Variants in LRTM2 observed in about 807,000 individuals in gnomAD.
LRTM2 encodes leucine rich repeat transmembrane protein 2.
Under a neutral mutation model 28.1 loss-of-function variants are expected in LRTM2, and 18 were observed. The ratio of observed to expected loss-of-function variants is 0.64; its 90% CI spans 0.44 to 0.95. The LOEUF is 0.95. Among genes scored for constraint, LRTM2 ranks in the 40% least tolerant of loss-of-function variants. The probability of loss-of-function intolerance (pLI) is 0.00; values close to 1 mark genes in which losing one functional copy is unlikely to be tolerated. For missense variants in LRTM2, 436 were observed against 497.2 expected (o/e 0.88, Z 1.17); for synonymous variants, 250 against 218.7 (o/e 1.14, Z -1.26).
At chr12:1,821,038 AAG>A (rs1163592950) in intron 1 of LRTM2, among the ~76,000 whole-genome samples, 1 of 152,228 alleles carries the variant, frequency 6.6e-6, no homozygotes, top group Non-Finnish European at 1.5e-5. Flanking sequence ...TGCTGGGGAC[AAG>A]AGCTGTGGAT....
chr12:1,834,767 C>G lies in LRTM2; in HGVS notation c.*46C>G, dbSNP rs145529491. The G allele has an allele frequency of 1.3e-6, 2 of 1,530,336 alleles. No homozygotes were observed. Among genetic ancestry groups the G allele is most frequent in the Admixed American group, 1.9e-5 (1 of 52,764 alleles). 94.8% of individuals were successfully genotyped at this position (1,530,336 alleles called of 1,614,324 possible). A position where few individuals can be genotyped will look rare whatever the true frequency, so the allele number is the denominator to read the frequency against. ...AGGTAGGAAGGGCGGGGAGAGCACA[C>G]GGCATTGCTCAGCCACAGCTCCCAC... On this transcript the variant is annotated 3_prime_UTR_variant, in exon 5 of 5. Transcript: ENST00000299194. The surrounding 1 kb of genome is among the most constrained non-coding windows in gnomAD (Gnocchi z 7.6).
rs1864449175 is a variant in LRTM2 at position 1,828,293 on chromosome 12, G to C, written c.67+78G>C. 7.9e-7 allele frequency: 1 copy of C among 1,267,556 alleles called. No individual in the cohort carries two copies. The highest frequency in any genetic ancestry group is 1.1e-6 in the Non-Finnish European group (1 of 927,242). The allele number at this position is 1,267,556 out of a possible 1,614,324, so 78.5% of individuals were successfully genotyped here. On this transcript the variant is annotated intron_variant, in intron 3 of 4. Coordinates refer to ENST00000299194, the MANE Select transcript of LRTM2 (RefSeq NM_001039029.3). This position sits in a 1 kb window ranked among gnomAD's most constrained non-coding sequence, Gnocchi z 4.2. The stretch of plus-strand genomic sequence containing the variant: ...GGTGACTGTAGGTAGCGCCATATGG[G>C]ACCTTAGCCACACTCAGGCTGCAGG...
intron 1 of LRTM2, among the ~76,000 whole-genome samples, chr12:1,822,736 G>A (rs1375972288): frequency 1.3e-5 from 2 of 152,236 alleles, no homozygotes; most frequent in African/African-American, 4.8e-5. Context: ...GTTCCTTGCT[G>A]CCTGGGCAGT....
chr12:1,833,502 G>A lies in LRTM2; in HGVS notation c.659-765G>A, dbSNP rs1210709336. Among the ~76,000 whole-genome samples the A allele has an allele frequency of 6.6e-6, 1 of 152,084 alleles. No homozygotes were observed. The highest frequency in any genetic ancestry group is 1.5e-5 in the Non-Finnish European group (1 of 68,012). On this transcript the variant is annotated intron_variant, in intron 4 of 4. Transcript: ENST00000299194. The surrounding 1 kb of genome is among the most constrained non-coding windows in gnomAD (Gnocchi z 4.2). ...CATCCTGGCGAGCCCGTGCGCCCAG[G>A]TACCCACACCTCCTCATCAACACCA... is the stretch of plus-strand genomic sequence containing the variant.
At position 1,829,443 on chromosome 12, in the gene LRTM2, G is replaced by A. The variant is rs1302038292; in HGVS notation, c.67+1228G>A. On this transcript the variant is annotated intron_variant, in intron 3 of 4. Coordinates refer to ENST00000299194, the MANE Select transcript of LRTM2 (RefSeq NM_001039029.3). This position sits in a 1 kb window ranked among gnomAD's most constrained non-coding sequence, Gnocchi z 4.2. ...GGTAACCCAAGATGGCCAGAAAAAG[G>A]GTCTCCGGTGGCTTCCATGGCTGTA... Among the ~76,000 whole-genome samples the A allele has an allele frequency of 1.3e-5, 2 of 152,102 alleles. No individual in the cohort carries two copies. Among genetic ancestry groups the A allele is most frequent in the East Asian group, 1.9e-4 (1 of 5,160 alleles).
In LRTM2 at chr12:1,828,747, T is replaced by C. The variant is rs541423927; in HGVS notation, c.67+532T>C. ...CTAGTGGGCTCGTGGGATGCGGCGC[T>C]GGAAGAGACTTTGGGGAGTGGGTCC... On this transcript the variant is annotated intron_variant, in intron 3 of 4. Transcript: ENST00000299194. The surrounding 1 kb of genome is among the most constrained non-coding windows in gnomAD (Gnocchi z 4.2). Among the ~76,000 whole-genome samples, 1 of 152,284 alleles carries C rather than the reference T, an allele frequency of 6.6e-6. No individual in the cohort carries two copies. The highest frequency in any genetic ancestry group is 1.9e-4 in the East Asian group (1 of 5,180).
Position 1,832,469 on chromosome 12 carries a change from A to G in LRTM2, c.658+944A>G, listed in dbSNP as rs1248815439. Among the ~76,000 whole-genome samples, 13 of 152,356 alleles carry G rather than the reference A, an allele frequency of 8.5e-5. No homozygotes were observed. In the East Asian group the frequency reaches 2.3e-3, roughly 27 times the overall value. On this transcript the variant is annotated intron_variant, in intron 4 of 4. Transcript: ENST00000299194. ...AAATACTAAGTGGACTTGAAACACC[A>G]TTTGGCACGAAGAAGATGCTCAATG...
intron 1 of LRTM2, chr12:1,823,201 T>A (rs540382499): frequency 2.0e-5 from 3 of 152,666 alleles, no homozygotes; most frequent in East Asian, 3.9e-4. Flanking sequence ...TATCTGGCTG[T>A]GTGTCTTGGA....
At chr12:1,823,341 A>AT (rs1317452119) in intron 1 of LRTM2, 1 of 152,104 alleles carries the variant, frequency 6.6e-6, no homozygotes, top group Non-Finnish European at 1.5e-5. Context: ...ATCTGAGGAG[A>AT]AATGGAAGGG....
chr12:1,825,695 G>A (rs1390277247), intron 1 of LRTM2, among the ~76,000 whole-genome samples: 1 of 152,232 alleles, frequency 6.6e-6, no homozygotes, highest in Non-Finnish European at 1.5e-5. Flanking sequence ...GCTGTGTACA[G>A]AGCTCCAAGC....
At chr12:1,830,305 G>A (rs1211156647) in intron 3 of LRTM2, among the ~76,000 whole-genome samples, 5 of 152,210 alleles carry the variant, frequency 3.3e-5, no homozygotes, top group Admixed American at 6.5e-5. Context: ...AACTGCTGGC[G>A]TCATCATGGG....
chr12:1,832,705 G>A (rs1001641302), intron 4 of LRTM2, among the ~76,000 whole-genome samples: 4 of 152,182 alleles, frequency 2.6e-5, no homozygotes, highest in East Asian at 1.9e-4. Context: ...TTTCATGAGC[G>A]GGGAAATAAT....
chr12:1,826,811 C>A (rs1864350790), intron 1 of LRTM2, among the ~76,000 whole-genome samples: 1 of 152,202 alleles, frequency 6.6e-6, no homozygotes, highest in Non-Finnish European at 1.5e-5. Context: ...AAGATGGGGG[C>A]AACAGGGTTT....
In LRTM2 at chr12:1,828,039, C is replaced by T. The variant is rs567127134; in HGVS notation, c.-73-37C>T. 1.9e-4 allele frequency: 204 copies of T among 1,056,408 alleles called. No homozygotes were observed. The highest frequency in any genetic ancestry group is 9.6e-4 in the East Asian group (32 of 33,446). 65.4% of individuals were successfully genotyped at this position (1,056,408 alleles called of 1,614,324 possible). A position where few individuals can be genotyped will look rare whatever the true frequency, so the allele number is the denominator to read the frequency against. On this transcript the variant is annotated intron_variant, in intron 2 of 4. Coordinates refer to ENST00000299194, the MANE Select transcript of LRTM2 (RefSeq NM_001039029.3). The surrounding 1 kb of genome is among the most constrained non-coding windows in gnomAD (Gnocchi z 4.2). ...AACCCCTGGGCTGGAACGGGGCTCC[C>T]GCGCCTGCCTGTGCTCAGTGCTCCT... is the stretch of plus-strand genomic sequence containing the variant.
chr12:1,834,674 C>A lies in LRTM2; in HGVS notation c.1066C>A (p.Pro356Thr), dbSNP rs368513861. 4.2e-5 allele frequency: 68 copies of A among 1,601,712 alleles called. No individual in the cohort carries two copies. Among genetic ancestry groups the A allele is most frequent in the Non-Finnish European group, 5.3e-5 (63 of 1,179,558 alleles). The change falls in exon 5 of 5, where the codon CCC becomes ACC. Residue 356 changes from proline to threonine, a missense_variant. By Grantham distance (38) the Pro-to-Thr change is conservative (BLOSUM62 -1). Coordinates refer to ENST00000299194, the MANE Select transcript of LRTM2 (RefSeq NM_001039029.3). The surrounding 1 kb of genome is among the most constrained non-coding windows in gnomAD (Gnocchi z 7.6). Reference sequence around the variant, plus strand: ...AAAGCGCCAGCCCCTGATGGGGGACCCCGAGGGCGAGCACGAGGACCAGAA... The same window carrying A: ...AAAGCGCCAGCCCCTGATGGGGGACACCGAGGGCGAGCACGAGGACCAGAA... ...LKKRQPLMGD[P>T]EGEHEDQKQI...
intron 2 of LRTM2, chr12:1,827,825 TG>T: frequency 3.0e-6 from 1 of 329,342 alleles, no homozygotes; most frequent in Non-Finnish European, 5.5e-6. Flanking sequence ...GGTAGGCCCA[TG>T]GGTGCACCCC....
rs1374345468 is a variant in LRTM2, at chr12:1,828,344, G to A, written c.67+129G>A. The A allele has an allele frequency of 9.7e-6, 8 of 826,112 alleles. No homozygotes were observed. Among genetic ancestry groups the A allele is most frequent in the Non-Finnish European group, 1.2e-5 (7 of 560,334 alleles). The allele number at this position is 826,112 out of a possible 1,614,324, so 51.2% of individuals were successfully genotyped here. ...GAGGCCTACGCCAGATCTTCCTGGG[G>A]TACCCGAGGCTATGTTCTGGGAAGC... On this transcript the variant is annotated intron_variant, in intron 3 of 4. Coordinates refer to ENST00000299194, the MANE Select transcript of LRTM2 (RefSeq NM_001039029.3). This position sits in a 1 kb window ranked among gnomAD's most constrained non-coding sequence, Gnocchi z 4.2.
Position 1,829,543 on chromosome 12 carries a change from C to T in LRTM2, c.67+1328C>T, listed in dbSNP as rs935213285. Among the ~76,000 whole-genome samples, 2 of 152,062 alleles carry T rather than the reference C, an allele frequency of 1.3e-5. No homozygotes were observed. The highest frequency in any genetic ancestry group is 6.5e-5 in the Admixed American group (1 of 15,274). On this transcript the variant is annotated intron_variant, in intron 3 of 4. Transcript: ENST00000299194. The surrounding 1 kb of genome is among the most constrained non-coding windows in gnomAD (Gnocchi z 4.2). ...GGGAGGCCTGGGCCAGATCTAGCCACGTGTCAGCTCTCAGCTGTCATCGAT... is the reference window on the plus strand; with the variant it reads ...GGGAGGCCTGGGCCAGATCTAGCCATGTGTCAGCTCTCAGCTGTCATCGAT...
At chr12:1,830,504 G>A (rs933678838) in intron 3 of LRTM2, among the ~76,000 whole-genome samples, 1 of 152,340 alleles carries the variant, frequency 6.6e-6, no homozygotes, top group African/African-American at 2.4e-5. Flanking sequence ...CTGGGAGAGG[G>A]CATGGGAGCA....
Sources: gnomAD v4.1 joint callset for allele counts (sites outside exome capture counted in the v4.1 genomes callset) on GRCh38, gnomAD v4.1.1 for gene constraint, Gnocchi (gnomAD v3.1) non-coding constraint, MANE v1.5 for transcripts, NCBI Gene and HGNC (gene_info 2026-07-23, HGNC 2026-07-21) for gene names.